The following LACTBL1 variants were observed in gnomAD, a reference collection of about 807,000 sequenced individuals.
LACTBL1 encodes the protein beta-lactamase-like protein 1.
In LACTBL1, 29 loss-of-function variants were observed where a neutral mutation model predicts 39.6. The observed-to-expected ratio is 0.73, with a 90% CI of 0.55 to 1.00. LACTBL1 has a LOEUF of 1.00. LACTBL1 is among the 50% of genes least tolerant of loss of function. The pLI is 0.00. For missense variants in LACTBL1, 711 were observed against 748.5 expected (o/e 0.95, Z 0.59); for synonymous variants, 361 against 360.7 (o/e 1.00, Z -0.01).
At chr1:22,960,806 G>A (rs1454761918) in intron 2 of LACTBL1, among the ~76,000 whole-genome samples, 1 of 151,944 alleles carries the variant, frequency 6.6e-6, no homozygotes, top group African/African-American at 2.4e-5. Flanking sequence ...TTTAGATGAA[G>A]TCTCACCATG....
exon 4 of LACTBL1, chr1:22,958,839 G>A: frequency 6.4e-7 from 1 of 1,550,658 alleles, no homozygotes; most frequent in Non-Finnish European, 8.7e-7. Flanking sequence ...GCTCCAGAGG[G>A]TCATCTAGGG....
At chr1:22,972,254 CAT>C in the LACTBL1 span, 4 of 981,036 alleles carry the variant, frequency 4.1e-6, no homozygotes, top group Admixed American at 6.2e-5. Context: ...CATGGTCAGA[CAT>C]GTGTCAGAAG....
intron 4 of LACTBL1, 108 bp from the exon 7 acceptor site, chr1:22,955,534 A>G (rs1323454174): frequency 1.0e-5 from 7 of 690,548 alleles, no homozygotes; most frequent in Non-Finnish European, 1.5e-5. Context: ...TAACAACAAC[A>G]AATCAGTTTT....
In LACTBL1 at chr1:22,963,157, G is replaced by A; in HGVS notation, c.109C>T (p.Pro37Ser). The change falls in exon 2 of 6, where the codon CCC (proline) becomes TCC (serine). Residue 37 changes from proline (P) to serine (S), a missense_variant. Transcript: ENST00000426928. ...GGGAGTGGGTGAGCCAGGGGCACGG[G>A]CTCAGGGTGCCGGGGACACATCCTC... 2.3e-6 allele frequency: 3 copies of A among 1,311,098 alleles called. No homozygotes were observed. In the South Asian group the frequency reaches 7.4e-5, roughly 32 times the overall value. 81.2% of individuals were successfully genotyped at this position (1,311,098 alleles called of 1,614,324 possible).
rs575067285 is a variant in LACTBL1 at position 22,955,306 on chromosome 1, G to A, written c.659+15C>T. On this transcript the variant is annotated intron_variant, in intron 5 of 5. Coordinates refer to ENST00000426928, the Ensembl canonical transcript of LACTBL1. ...GCTCCTAACATGAGGCTGGGCATCA[G>A]GGTATGCTCCTCACCTGGTTCCCGG... 9.7e-6 allele frequency: 15 copies of A among 1,544,980 alleles called. No individual in the cohort carries two copies. The South Asian group carries it at 1.1e-4, about 11-fold the overall frequency.
At chr1:22,955,461 G>A (rs769209526) in intron 4 of LACTBL1, 35 bp from the exon 7 acceptor site, 81 of 1,437,424 alleles carry the variant, frequency 5.6e-5, no homozygotes, top group African/African-American at 7.0e-5. Flanking sequence ...TACCGGGCCC[G>A]GCTGAGGGTG....
chr1:22,953,369 T>A (rs552344818), exon 6 of LACTBL1: 3 of 1,227,964 alleles, frequency 2.4e-6, no homozygotes, highest in African/African-American at 3.1e-5. Context: ...TCGTAGAAGG[T>A]CAGGTTGGCG....
In LACTBL1 at chr1:22,953,323, C is replaced by T. The variant is rs1448795748; in HGVS notation, c.1361G>A (p.Arg454His). The T allele has an allele frequency of 1.1e-5, 14 of 1,225,564 alleles. No homozygotes were observed. In the African/African-American group the frequency reaches 1.7e-4, roughly 15 times the overall value. The allele number at this position is 1,225,564 out of a possible 1,614,324, so 75.9% of individuals were successfully genotyped here. The change falls in exon 6 of 6, where the codon CGC becomes CAC. Residue 454 changes from arginine (R) to histidine (H), a missense_variant. By Grantham distance (29) the Arg-to-His change is conservative. Coordinates refer to ENST00000426928, the Ensembl canonical transcript of LACTBL1. ...CGCCTCCACGCGCGGCCCGAACTGG[C>T]GCAGGCGCAGCTCGCCCGCCGGCCC...
chr1:22,963,574 T>C (rs1381469313), intron 1 of LACTBL1, among the ~76,000 whole-genome samples: 2 of 152,182 alleles, frequency 1.3e-5, no homozygotes, highest in African/African-American at 4.8e-5. Flanking sequence ...GTCCTGATTA[T>C]GTGTTTGGGT....
chr1:22,960,842 C>G (rs1014316734), intron 2 of LACTBL1, among the ~76,000 whole-genome samples: 2 of 151,926 alleles, frequency 1.3e-5, no homozygotes, highest in Non-Finnish European at 2.9e-5. Context: ...TGCAGTGGCT[C>G]AAGCACAGCT....
chr1:22,965,464 G>T, upstream of LACTBL1: 2 of 1,232,424 alleles, frequency 1.6e-6, no homozygotes, highest in South Asian at 8.2e-5. Context: ...CCCCTTGGGG[G>T]TCAGTCAGAG....
At chr1:22,953,732 G>T in exon 6 of LACTBL1, 1 of 1,347,238 alleles carries the variant, frequency 7.4e-7, no homozygotes. Context: ...AGGAGCCGCC[G>T]GGGCCCGCCG....
chr1:22,958,406 C>G (rs1344387856), intron 4 of LACTBL1, among the ~76,000 whole-genome samples: 1 of 152,242 alleles, frequency 6.6e-6, no homozygotes, highest in East Asian at 1.9e-4. Context: ...CGTTGACTTG[C>G]TCTTGCCTTA....
chr1:22,954,164 A>G, intron 5 of LACTBL1, 140 bp from the exon 8 acceptor site: 3 of 1,414,838 alleles, frequency 2.1e-6, no homozygotes, highest in Non-Finnish European at 2.8e-6. Context: ...GACCTGGAAG[A>G]GACTTTGGAG....
intron 4 of LACTBL1, among the ~76,000 whole-genome samples, chr1:22,956,228 T>G (rs1294655516): frequency 6.6e-6 from 1 of 151,780 alleles, no homozygotes; most frequent in Non-Finnish European, 1.5e-5. Flanking sequence ...AATAATTAGC[T>G]GGACTCAGTG....
chr1:22,965,299 G>A, exon 1 of LACTBL1: 1 of 1,315,980 alleles, frequency 7.6e-7, no homozygotes, highest in Non-Finnish European at 9.8e-7. Flanking sequence ...CCGGTCTTCA[G>A]CTTGGGGAGG....
chr1:22,962,731 A>G (rs1640838024), intron 2 of LACTBL1, among the ~76,000 whole-genome samples: 2 of 151,804 alleles, frequency 1.3e-5, no homozygotes, highest in African/African-American at 4.8e-5. Context: ...CACCACACAC[A>G]TGTCATCTGG....
chr1:22,953,756 C>T (rs938801875), exon 6 of LACTBL1: 103 of 1,423,990 alleles, frequency 7.2e-5, no homozygotes, highest in Non-Finnish European at 9.2e-5. Flanking sequence ...AGGAGCGCCA[C>T]GGCCAGCTTG....
exon 6 of LACTBL1, chr1:22,953,372 G>C (rs947567335): frequency 4.1e-6 from 5 of 1,228,568 alleles, no homozygotes; most frequent in Non-Finnish European, 5.1e-6. Context: ...TAGAAGGTCA[G>C]GTTGGCGAAG....
Sources: gnomAD v4.1 joint callset for allele counts (sites outside exome capture counted in the v4.1 genomes callset) on GRCh38, gnomAD v4.1.1 for gene constraint, MANE v1.5 for transcripts, NCBI Gene and HGNC (gene_info 2026-07-23, HGNC 2026-07-21) for gene names.